Variants in GRK1 observed in about 807,000 individuals in gnomAD.
GRK1 encodes the protein rhodopsin kinase GRK1.
GRK1 carries 28 observed loss-of-function variants against 41.7 expected under a neutral mutation model. The ratio of observed to expected loss-of-function variants is 0.67; its 90% CI spans 0.50 to 0.92. The LOEUF (loss-of-function observed/expected upper bound fraction) is 0.92. GRK1 is among the 40% of genes least tolerant of loss of function. The pLI is 0.00. For synonymous variants in GRK1, 327 were observed against 286.7 expected (o/e 1.14, Z -1.42); for missense variants, 703 against 671.2 (o/e 1.05, Z -0.52).
the GRK1 span, chr13:113,657,940 G>T: frequency 9.6e-7 from 1 of 1,045,156 alleles, no homozygotes; most frequent in Non-Finnish European, 1.4e-6. Context: ...ACTGTCAGGG[G>T]CCCTCTGCTC....
chr13:113,652,314 G>T, the GRK1 span, among the ~76,000 whole-genome samples: 1 of 152,230 alleles, frequency 6.6e-6, no homozygotes, highest in East Asian at 1.9e-4. Flanking sequence ...AGGTGTAGAG[G>T]GCACAAGCCT....
the GRK1 span, among the ~76,000 whole-genome samples, chr13:113,661,161 C>T: frequency 6.6e-6 from 1 of 152,104 alleles, no homozygotes; most frequent in African/African-American, 2.4e-5. Context: ...GTTCTCCAAT[C>T]ACAATGGAAT....
At chr13:113,648,315 T>C in the GRK1 span, among the ~76,000 whole-genome samples, 1 of 152,244 alleles carries the variant, frequency 6.6e-6, no homozygotes, top group Non-Finnish European at 1.5e-5. Flanking sequence ...CCGTTTCTCA[T>C]GGACTTTTCT....
chr13:113,733,898 TATGTGTGCATACA>T (rs2049973924), intron 6 of GRK1, among the ~76,000 whole-genome samples: 1 of 65,574 alleles, frequency 1.5e-5, no homozygotes, highest in Non-Finnish European at 2.8e-5. Context: ...TGCGTGTGTG[TATGTGTGCATACA>T]GTGTGCGTGT....
intron 2 of GRK1, among the ~76,000 whole-genome samples, chr13:113,670,896 G>A (rs988833890): frequency 6.6e-6 from 1 of 152,170 alleles, no homozygotes; most frequent in Non-Finnish European, 1.5e-5. Flanking sequence ...TCACAGGGGT[G>A]CCCAGGGAGG....
At chr13:113,651,819 C>G in the GRK1 span, 16 of 1,470,974 alleles carry the variant, frequency 1.1e-5, no homozygotes, top group Non-Finnish European at 1.5e-5. Flanking sequence ...ATCTGGCCGG[C>G]CCCAGCCTGG....
chr13:113,723,781 CACGT>C (rs1208203199), intron 4 of GRK1, among the ~76,000 whole-genome samples: 1 of 151,730 alleles, frequency 6.6e-6, no homozygotes, highest in Non-Finnish European at 1.5e-5. Context: ...TCTGTGCACA[CACGT>C]GTGTCTGTGT....
At position 113,735,581 on chromosome 13, in the gene GRK1, A is replaced by G. The variant is rs569063044; in HGVS notation, c.*218A>G. 1.0e-5 allele frequency: 5 copies of G among 485,872 alleles called. No individual in the cohort carries two copies. The highest frequency in any genetic ancestry group is 9.8e-5 in the East Asian group (3 of 30,762). 30.1% of individuals were successfully genotyped at this position (485,872 alleles called of 1,614,324 possible). ...GCTGGTGCCGTGAGCCCCCGACTGC[A>G]TATTTCACGTCTTTTGCTCCATCTC... On this transcript the variant is annotated 3_prime_UTR_variant, in exon 7 of 7. Transcript: ENST00000335678.
intron 4 of GRK1, among the ~76,000 whole-genome samples, chr13:113,730,453 A>G (rs2049928645): frequency 7.6e-6 from 1 of 131,432 alleles, no homozygotes; most frequent in Admixed American, 7.5e-5. Flanking sequence ...TCCCATCCTG[A>G]GGCAGTCTCC....
upstream of GRK1, among the ~76,000 whole-genome samples, chr13:113,665,022 C>T (rs968984968): frequency 3.9e-5 from 6 of 152,228 alleles, no homozygotes; most frequent in South Asian, 6.2e-4. Flanking sequence ...GTGGGGACGT[C>T]GGCTCGGTCT....
upstream of GRK1, among the ~76,000 whole-genome samples, chr13:113,664,603 C>A (rs2049806600): frequency 6.6e-6 from 1 of 152,218 alleles, no homozygotes; most frequent in Non-Finnish European, 1.5e-5. This position sits in a 1 kb window ranked among gnomAD's most constrained non-coding sequence, Gnocchi z 5.4. Flanking sequence ...CGCTTCCCAA[C>A]ATGACTGCAG....
At chr13:113,724,510 G>T (rs995322231) in intron 4 of GRK1, among the ~76,000 whole-genome samples, 4 of 152,184 alleles carry the variant, frequency 2.6e-5, no homozygotes, top group African/African-American at 4.8e-5. Flanking sequence ...GTGGCCACGG[G>T]GGGGACATCC....
At chr13:113,665,103 TCTC>T (rs1440601826), upstream of GRK1, among the ~76,000 whole-genome samples, 1 of 152,120 alleles carries the variant, frequency 6.6e-6, no homozygotes, top group African/African-American at 2.4e-5. Flanking sequence ...AGTTGCCTCT[TCTC>T]CCACGTGGAA....
At position 113,735,333 on chromosome 13, in the gene GRK1, G is replaced by T; in HGVS notation, c.1662G>T (p.Ser554=). 2 of 1,522,534 alleles carry T rather than the reference G, an allele frequency of 1.3e-6. No individual in the cohort carries two copies. Among genetic ancestry groups the T allele is most frequent in the Middle Eastern group, 1.7e-4 (1 of 5,924 alleles). 94.3% of individuals were successfully genotyped at this position (1,522,534 alleles called of 1,614,324 possible). A position where few individuals can be genotyped will look rare whatever the true frequency, so the allele number is the denominator to read the frequency against. The part of the protein sequence containing the change: ...MKGISGGSSS[S]SKSGMCLVS ...GCATCTCCGGGGGCTCCAGCTCCTC[G>T]TCCAAGTCAGGGATGTGTCTGGTTT... is the stretch of plus-strand genomic sequence containing the variant. Residue 554 remains serine (S), a synonymous_variant, in exon 7 of 7, where the codon TCG becomes TCT. Coordinates refer to ENST00000335678, the MANE Select transcript of GRK1 (RefSeq NM_002929.3).
intron 6 of GRK1, among the ~76,000 whole-genome samples, chr13:113,733,901 G>GTGTA (rs2049974126): frequency 2.6e-5 from 3 of 116,284 alleles, no homozygotes; most frequent in South Asian, 5.0e-4. Flanking sequence ...GTGTGTGTAT[G>GTGTA]TGTGCATACA....
chr13:113,732,914 A>T lies in GRK1; in HGVS notation c.1225A>T (p.Ile409Phe). 6.5e-7 allele frequency: 1 copy of T among 1,536,852 alleles called. No homozygotes were observed. Among genetic ancestry groups the T allele is most frequent in the Non-Finnish European group, 8.7e-7 (1 of 1,146,896 alleles). Residue 409 changes from isoleucine to phenylalanine, a missense_variant, in exon 6 of 7, where the codon ATC becomes TTC. Ile to Phe is a conservative substitution (Grantham distance 21). Transcript: ENST00000335678. ...GAACAAGGAGCTGAAGCACCGGATCATCTCAGAGCCCGTGAAGTACCCTGA... is the reference window on the plus strand; with the variant it reads ...GAACAAGGAGCTGAAGCACCGGATCTTCTCAGAGCCCGTGAAGTACCCTGA... The part of the protein sequence containing the change: ...VENKELKHRI[I>F]SEPVKYPDKF...
chr13:113,733,109 G>A (rs1248724871), intron 6 of GRK1, 24 bp downstream of exon 6: 13 of 1,526,638 alleles, frequency 8.5e-6, no homozygotes, highest in East Asian at 2.4e-5. Context: ...CCTCAGCCCC[G>A]GAGAGGGTGG....
intron 1 of GRK1, among the ~76,000 whole-genome samples, chr13:113,669,274 A>C (rs994547338): frequency 1.3e-5 from 2 of 152,164 alleles, no homozygotes; most frequent in Non-Finnish European, 2.9e-5. Flanking sequence ...ATAAAGACAA[A>C]ATGAAGCAGA....
chr13:113,672,454 T>G (rs2049864183), intron 3 of GRK1, among the ~76,000 whole-genome samples: 1 of 151,616 alleles, frequency 6.6e-6, no homozygotes, highest in African/African-American at 2.4e-5. Context: ...TGTGTGGTAT[T>G]GTGTGTGGCG....
Sources: gnomAD v4.1 joint callset for allele counts (sites outside exome capture counted in the v4.1 genomes callset) on GRCh38, gnomAD v4.1.1 for gene constraint, Gnocchi (gnomAD v3.1) non-coding constraint, MANE v1.5 for transcripts, NCBI Gene and HGNC (gene_info 2026-07-23, HGNC 2026-07-21) for gene names.